DEFB4B: variants seen among roughly 807,000 people sequenced by gnomAD.
DEFB4B encodes defensin beta 4B, also known as beta-defensin 4B.
chr8:7,415,511 G>T (rs1313031675), intron 1 of DEFB4B, among the ~76,000 whole-genome samples: 1 of 151,422 alleles, frequency 6.6e-6, no homozygotes, highest in Non-Finnish European at 1.5e-5. Context: ...AAATCATTTA[G>T]TCTGTTAAGT....
In DEFB4B at chr8:7,415,591, A is replaced by G. The variant is rs1228857745; in HGVS notation, c.59-494T>C. Reference sequence around the variant, plus strand: ...TTTAATAGGAAATTAACACCAAGTAACTTACAGTTGAAAACCACAATTAAC... The same window carrying G: ...TTTAATAGGAAATTAACACCAAGTAGCTTACAGTTGAAAACCACAATTAAC... On this transcript the variant is annotated intron_variant, in intron 1 of 1. Coordinates refer to ENST00000318157, the MANE Select transcript of DEFB4B (RefSeq NM_001205266.2). 1.7e-3 allele frequency among the ~76,000 whole-genome samples: 251 copies of G among 151,394 alleles called. 6 individuals carry two copies. Among genetic ancestry groups the G allele is most frequent in the African/African-American group, 5.9e-3 (243 of 40,984 alleles).
intron 1 of DEFB4B, among the ~76,000 whole-genome samples, chr8:7,416,416 A>G (rs1274788274): frequency 3.3e-5 from 5 of 151,810 alleles, no homozygotes; most frequent in Non-Finnish European, 5.9e-5. Flanking sequence ...GCTCCTTCAT[A>G]TTGGCTTAGA....
intron 1 of DEFB4B, among the ~76,000 whole-genome samples, chr8:7,415,750 C>CTCCCTGCCTCCCT (rs1563323297): frequency 7.7e-6 from 1 of 129,596 alleles, no homozygotes; most frequent in African/African-American, 3.0e-5. Flanking sequence ...CCCACCTGCC[C>CTCCCTGCCTCCCT]GCCTCCCTGC....
chr8:7,415,724 C>CCTCT (rs942216378), intron 1 of DEFB4B, among the ~76,000 whole-genome samples: 1 of 125,550 alleles, frequency 8.0e-6, no homozygotes, highest in African/African-American at 3.1e-5. Context: ...TCCCTCCCTC[C>CCTCT]TTCCCTCCCT....
intron 1 of DEFB4B, among the ~76,000 whole-genome samples, chr8:7,416,258 A>G (rs1480131372): frequency 2.0e-5 from 3 of 151,656 alleles, no homozygotes; most frequent in Non-Finnish European, 2.9e-5. Flanking sequence ...AAATATAAAA[A>G]TTTAGAAAAT....
rs1808809837 is a variant in DEFB4B at position 7,415,689 on chromosome 8, A to ATCCCTCTCTCCCTCCCTCCC, written c.59-593_59-592insGGGAGGGAGGGAGAGAGGGA. Among the ~76,000 whole-genome samples, 103 of 67,460 alleles carry ATCCCTCTCTCCCTCCCTCCC rather than the reference A, an allele frequency of 1.5e-3. No individual in the cohort carries two copies. The South Asian group carries it at 0.018, about 12-fold the overall frequency. 44.3% of individuals were successfully genotyped at this position (67,460 alleles called of 152,430 possible). A position where few individuals can be genotyped will look rare whatever the true frequency, so the allele number is the denominator to read the frequency against. On this transcript the variant is annotated intron_variant, in intron 1 of 1. Coordinates refer to ENST00000318157, the MANE Select transcript of DEFB4B (RefSeq NM_001205266.2). ...GTTTCAACCTCATTCTTCTTTTTTT[A>ATCCCTCTCTCCCTCCCTCCC]TCCCTCCCTCCCTCCCTCCCTCCCT...
chr8:7,416,493 A>G (rs1808871856), intron 1 of DEFB4B, among the ~76,000 whole-genome samples: 1 of 151,578 alleles, frequency 6.6e-6, no homozygotes, highest in Non-Finnish European at 1.5e-5. Flanking sequence ...TGCTTGGTTC[A>G]ATTAAATAGG....
At position 7,415,621 on chromosome 8, in the gene DEFB4B, G is replaced by T. The variant is rs866681545; in HGVS notation, c.59-524C>A. ...CAGTTGAAAACCACAATTAACCATA[G>T]AAATAAATTTTGTAATGGCTTGTTT... On this transcript the variant is annotated intron_variant, in intron 1 of 1. Coordinates refer to ENST00000318157, the MANE Select transcript of DEFB4B (RefSeq NM_001205266.2). Among the ~76,000 whole-genome samples the T allele has an allele frequency of 8.9e-3, 1,330 of 150,264 alleles. 14 individuals are homozygous for T. Among genetic ancestry groups the T allele is most frequent in the African/African-American group, 0.031 (1,246 of 40,232 alleles).
At position 7,415,494 on chromosome 8, in the gene DEFB4B, C is replaced by T. The variant is rs1254712539; in HGVS notation, c.59-397G>A. ...ACACACACAAGCCAGTAAACTTTTGCTTTTTCAAATCATTTAGTCTGTTAA... is the reference window on the plus strand; with the variant it reads ...ACACACACAAGCCAGTAAACTTTTGTTTTTTCAAATCATTTAGTCTGTTAA... On this transcript the variant is annotated intron_variant, in intron 1 of 1. Coordinates refer to ENST00000318157, the MANE Select transcript of DEFB4B (RefSeq NM_001205266.2). Among the ~76,000 whole-genome samples, 6 of 151,356 alleles carry T rather than the reference C, an allele frequency of 4.0e-5. 1 individual carries two copies. The highest frequency in any genetic ancestry group is 1.5e-4 in the African/African-American group (6 of 40,960).
chr8:7,415,423 C>G (rs560435697), intron 1 of DEFB4B, among the ~76,000 whole-genome samples: 1 of 151,376 alleles, frequency 6.6e-6, no homozygotes, highest in Non-Finnish European at 1.5e-5. Context: ...GTGAATTCAG[C>G]TCCACCACAA....
intron 1 of DEFB4B, among the ~76,000 whole-genome samples, chr8:7,415,689 A>ATCCCTCGCTCCC (rs1808809837): frequency 1.5e-5 from 1 of 67,366 alleles, no homozygotes; most frequent in African/African-American, 5.4e-5. Flanking sequence ...TTCTTTTTTT[A>ATCCCTCGCTCCC]TCCCTCCCTC....
intron 1 of DEFB4B, among the ~76,000 whole-genome samples, chr8:7,415,695 C>G (rs1294358649): frequency 1.0e-5 from 1 of 95,950 alleles, no homozygotes; most frequent in East Asian, 3.4e-4. Context: ...TTTTATCCCT[C>G]CCTCCCTCCC....
chr8:7,415,103 AGGG>A lies in DEFB4B; in HGVS notation c.59-9_59-7del. 1 of 1,028,208 alleles carries A rather than the reference AGGG, an allele frequency of 9.7e-7. No homozygotes were observed. The highest frequency in any genetic ancestry group is 1.4e-6 in the Non-Finnish European group (1 of 708,594). 63.7% of individuals were successfully genotyped at this position (1,028,208 alleles called of 1,614,324 possible). A position where few individuals can be genotyped will look rare whatever the true frequency, so the allele number is the denominator to read the frequency against. On this transcript the variant is annotated splice_region_variant and splice_polypyrimidine_tract_variant and intron_variant, in intron 1 of 1. Transcript: ENST00000318157. ...GCCTATACCACCAAAAACACCTAAC[AGGG>A]AAAAAACACACAAAAAGAGCAAACA... is the stretch of plus-strand genomic sequence containing the variant.
intron 1 of DEFB4B, among the ~76,000 whole-genome samples, chr8:7,415,748 C>CGCG (rs1808820413): frequency 7.3e-6 from 1 of 137,064 alleles, no homozygotes; most frequent in African/African-American, 2.8e-5. Flanking sequence ...TCCCCACCTG[C>CGCG]CCGCCTCCCT....
In DEFB4B at chr8:7,416,431, C is replaced by T. The variant is rs191901865; in HGVS notation, c.58+339G>A. Among the ~76,000 whole-genome samples the T allele has an allele frequency of 2.9e-3, 447 of 151,676 alleles. 5 individuals carry two copies. The highest frequency in any genetic ancestry group is 6.8e-3 in the Middle Eastern group (2 of 294). On this transcript the variant is annotated intron_variant, in intron 1 of 1. Transcript: ENST00000318157. ...GCTCCTTCATATTGGCTTAGAAGAA[C>T]GAGTGAGGTGTCCATTGGGTTCTCA...
At chr8:7,415,546 G>T (rs1808801620) in intron 1 of DEFB4B, among the ~76,000 whole-genome samples, 1 of 151,484 alleles carries the variant, frequency 6.6e-6, no homozygotes, top group Non-Finnish European at 1.5e-5. Flanking sequence ...GGGATAAAAA[G>T]ATGCAACTTA....
intron 1 of DEFB4B, among the ~76,000 whole-genome samples, chr8:7,416,303 A>C (rs1189979336): frequency 6.6e-6 from 1 of 151,686 alleles, no homozygotes; most frequent in Non-Finnish European, 1.5e-5. Context: ...ATAAAATCAA[A>C]ATTTCTGCCT....
rs564555813 is a variant in DEFB4B, at chr8:7,416,343, A to C, written c.58+427T>G. On this transcript the variant is annotated intron_variant, in intron 1 of 1. Coordinates refer to ENST00000318157, the MANE Select transcript of DEFB4B (RefSeq NM_001205266.2). ...TTTAAAAAGTCACCTAACAGGTTTC[A>C]ACCATAGTCTCAGCAGTTGTAGCAT... Among the ~76,000 whole-genome samples, 7 of 151,878 alleles carry C rather than the reference A, an allele frequency of 4.6e-5. No individual in the cohort carries two copies. The East Asian group carries it at 9.7e-4, about 21-fold the overall frequency.
chr8:7,416,522 T>C (rs1170771622), intron 1 of DEFB4B, among the ~76,000 whole-genome samples: 1 of 150,610 alleles, frequency 6.6e-6, no homozygotes, highest in Non-Finnish European at 1.5e-5. Context: ...TCTAAAAGTG[T>C]GGGTAGAAGA....
Sources: allele counts gnomAD v4.1 joint callset (sites outside exome capture counted in the v4.1 genomes callset), GRCh38; gene constraint gnomAD v4.1.1; transcripts MANE v1.5; gene names NCBI Gene and HGNC (gene_info 2026-07-23, HGNC 2026-07-21).